Variants in DOCK3 observed in about 807,000 individuals in gnomAD.
The protein encoded by DOCK3 is dedicator of cytokinesis 3.
In DOCK3, 60 loss-of-function variants were observed where a neutral mutation model predicts 265.6. The observed-to-expected ratio is 0.23, with a 90% confidence interval of 0.18 to 0.28. The LOEUF (loss-of-function observed/expected upper bound fraction) is 0.28. Among genes scored for constraint, DOCK3 ranks in the 10% least tolerant of loss-of-function variants. The pLI is 1.00. For synonymous variants in DOCK3, 881 were observed against 938.0 expected (o/e 0.94, Z 1.11); for missense variants, 1,981 against 2,594.3 (o/e 0.76, Z 5.14).
In DOCK3 at chr3:51,064,449, A is replaced by G; in HGVS notation, c.317A>G (p.Lys106Arg). 3 of 1,613,692 alleles carry G rather than the reference A, an allele frequency of 1.9e-6. No individual in the cohort carries two copies. Among genetic ancestry groups the G allele is most frequent in the Admixed American group, 3.3e-5 (2 of 60,002 alleles). Residue 106 changes from lysine to arginine, a missense_variant and splice_region_variant, in exon 6 of 53, where the codon AAA becomes AGA. Lys to Arg is a conservative substitution (Grantham distance 26). Transcript: ENST00000266037. ...CCAACACCAAAAATGCCCTTTCAGA[A>G]ACACAAAGTAGATCTTTTCTACAAA... ...WASLWKQLYV[K>R]HKVDLFYKLR... is the part of the protein sequence containing the mutation.
intron 1 of DOCK3, among the ~76,000 whole-genome samples, chr3:50,738,822 G>C (rs2038813086): frequency 6.6e-6 from 1 of 151,936 alleles, no homozygotes; most frequent in Admixed American, 6.6e-5. Context: ...TACCTAATGA[G>C]CCCTGTTTGT....
intron 9 of DOCK3, among the ~76,000 whole-genome samples, chr3:51,138,111 C>A (rs2084888951): frequency 6.6e-6 from 1 of 152,126 alleles, no homozygotes; most frequent in African/African-American, 2.4e-5. Flanking sequence ...AAACATATAC[C>A]ACCATTTTAA....
Position 50,979,253 on chromosome 3 carries a change from CTTAG to C in DOCK3, c.315+45180_315+45183del, listed in dbSNP as rs554319370. ...TTTCCTTGTAGAGGTCTTTTACTTC[CTTAG>C]TTAAATTTATTTCTAGGTTTTTAAT... is the stretch of plus-strand genomic sequence containing the variant. On this transcript the variant is annotated intron_variant, in intron 5 of 52. Transcript: ENST00000266037. Among the ~76,000 whole-genome samples the C allele has an allele frequency of 6.7e-4, 102 of 152,186 alleles. 1 individual carries two copies. In the East Asian group the frequency reaches 0.018, roughly 27 times the overall value.
At chr3:50,955,367 A>G (rs1575605685) in intron 5 of DOCK3, among the ~76,000 whole-genome samples, 2 of 152,216 alleles carry the variant, frequency 1.3e-5, no homozygotes, top group East Asian at 3.9e-4. Context: ...TTTTTCTGCC[A>G]TAAAGACACA....
chr3:51,098,386 T>C (rs2082950735), intron 9 of DOCK3, among the ~76,000 whole-genome samples: 3 of 152,226 alleles, frequency 2.0e-5, no homozygotes, highest in Admixed American at 1.3e-4. Flanking sequence ...TTGGAGTTTT[T>C]TCAGCATTCA....
At chr3:51,103,228 C>T (rs2083152272) in intron 9 of DOCK3, among the ~76,000 whole-genome samples, 2 of 152,102 alleles carry the variant, frequency 1.3e-5, no homozygotes, top group Non-Finnish European at 2.9e-5. Context: ...AGCAGATGTA[C>T]TAAACCAATG....
intron 19 of DOCK3, 21 bp downstream of exon 19, chr3:51,229,630 A>G: frequency 1.3e-6 from 2 of 1,558,514 alleles, no homozygotes; most frequent in Non-Finnish European, 1.7e-6. Flanking sequence ...CATATAATTT[A>G]AACATACTGC....
intron 27 of DOCK3, among the ~76,000 whole-genome samples, chr3:51,298,134 A>C (rs574513992): frequency 6.6e-6 from 1 of 152,352 alleles, no homozygotes; most frequent in East Asian, 1.9e-4. Flanking sequence ...ACTTGTGAAT[A>C]GGTATACTCA....
At chr3:51,380,835 G>C (rs2088572330) in intron 52 of DOCK3, among the ~76,000 whole-genome samples, 1 of 152,192 alleles carries the variant, frequency 6.6e-6, no homozygotes, top group Non-Finnish European at 1.5e-5. Flanking sequence ...AGCCAGGGCA[G>C]GGCAATTTTT....
intron 4 of DOCK3, among the ~76,000 whole-genome samples, chr3:50,925,946 C>T (rs1473072263): frequency 6.6e-6 from 1 of 151,254 alleles, no homozygotes; most frequent in Non-Finnish European, 1.5e-5. Context: ...ATTCTCCTGC[C>T]TCAGCCTCCT....
At chr3:50,804,187 C>T (rs1008267367) in intron 2 of DOCK3, among the ~76,000 whole-genome samples, 16 of 151,256 alleles carry the variant, frequency 1.1e-4, no homozygotes, top group Admixed American at 2.6e-4. Flanking sequence ...GATGGGCGGC[C>T]GGGCAGAGAC....
In DOCK3 at chr3:51,204,138, TG is replaced by T. The variant is rs1454439753; in HGVS notation, c.1038-4634del. Among the ~76,000 whole-genome samples, 1,029 of 146,394 alleles carry T rather than the reference TG, an allele frequency of 7.0e-3. 6 individuals are homozygous for T. Among genetic ancestry groups the T allele is most frequent in the African/African-American group, 0.025 (987 of 39,448 alleles). On this transcript the variant is annotated intron_variant, in intron 12 of 52. Coordinates refer to ENST00000266037, the MANE Select transcript of DOCK3 (RefSeq NM_004947.5). The stretch of plus-strand genomic sequence containing the variant: ...TTCATGTCTAAAACACCAAAAGCAA[TG>T]GCAACAAAAGCCAAAATTGACAAAT...
intron 3 of DOCK3, among the ~76,000 whole-genome samples, chr3:50,866,076 GTTGT>G (rs1008389221): frequency 1.6e-4 from 25 of 152,158 alleles, no homozygotes; most frequent in African/African-American, 5.8e-4. Flanking sequence ...TATTCTGTGG[GTTGT>G]TTGTTCATTT....
At chr3:50,807,249 CTTTTTTTTTTTTTT>C (rs59370167) in intron 2 of DOCK3, among the ~76,000 whole-genome samples, 2 of 144,426 alleles carry the variant, frequency 1.4e-5, no homozygotes, top group African/African-American at 2.6e-5. Context: ...CTGCCACGCT[CTTTTTTTTTTTTTT>C]TTTTTTTTTG....
intron 6 of DOCK3, among the ~76,000 whole-genome samples, chr3:51,068,539 GAAAAAA>G (rs1160597168): frequency 2.4e-3 from 109 of 45,730 alleles, no homozygotes; most frequent in African/African-American, 6.9e-3. Flanking sequence ...GACTCCGTCT[GAAAAAA>G]AAAAAAAAAA....
At chr3:51,110,891 A>C (rs550266921) in intron 9 of DOCK3, among the ~76,000 whole-genome samples, 1 of 152,314 alleles carries the variant, frequency 6.6e-6, no homozygotes, top group Admixed American at 6.5e-5. Flanking sequence ...AAGTCAGTCT[A>C]TCTCTGTTTT....
intron 5 of DOCK3, among the ~76,000 whole-genome samples, chr3:51,049,446 A>G (rs929442115): frequency 6.6e-6 from 1 of 152,334 alleles, no homozygotes; most frequent in South Asian, 2.1e-4. Flanking sequence ...TCTAGGGATC[A>G]GGAGGCATTA....
intron 1 of DOCK3, among the ~76,000 whole-genome samples, chr3:50,688,377 C>T (rs991850614): frequency 6.6e-6 from 1 of 152,170 alleles, no homozygotes. Context: ...AACCGGTTGC[C>T]ACATTTTATA....
At chr3:50,968,553 A>ATTTTTT (rs749920591) in intron 5 of DOCK3, among the ~76,000 whole-genome samples, 11,920 of 139,074 alleles carry the variant, frequency 0.086, 660 homozygotes, top group Non-Finnish European at 0.12. Flanking sequence ...TATGATTTCA[A>ATTTTTT]TTTTTTTTTT....
Sources: allele counts gnomAD v4.1 joint callset (sites outside exome capture counted in the v4.1 genomes callset), GRCh38; gene constraint gnomAD v4.1.1; transcripts MANE v1.5; gene names NCBI Gene and HGNC (gene_info 2026-07-23, HGNC 2026-07-21).